The following PALLD variants were observed in gnomAD, a reference collection of about 807,000 sequenced individuals.
The protein encoded by PALLD is palladin, cytoskeletal associated protein.
PALLD carries 61 observed loss-of-function variants against 123.5 expected under a neutral mutation model. That is an observed-to-expected ratio of 0.49 (90% CI 0.40 to 0.61). The LOEUF (loss-of-function observed/expected upper bound fraction) is 0.61, where lower values mean the gene tolerates loss of function less well. Among genes scored for constraint, PALLD ranks in the 20% least tolerant of loss-of-function variants. The pLI is 0.00. For missense variants in PALLD, 1,273 were observed against 1,377.0 expected (o/e 0.92, Z 1.20); for synonymous variants, 465 against 496.4 (o/e 0.94, Z 0.84).
rs1189246382 is a variant in PALLD, at chr4:168,794,514, A to ACACG, written c.1964+82594_1964+82595insGCAC. Among the ~76,000 whole-genome samples the ACACG allele has an allele frequency of 4.9e-4, 73 of 147,968 alleles. 4 individuals are homozygous for ACACG. The South Asian group carries it at 0.014, about 28-fold the overall frequency. On this transcript the variant is annotated intron_variant, in intron 10 of 21. Transcript: ENST00000505667. ...TGCACGCACACACACACGCACACAC[A>ACACG]CACACACACACACACACACACACAC...
chr4:168,635,761 T>C (rs1776284276), intron 2 of PALLD, among the ~76,000 whole-genome samples: 1 of 152,212 alleles, frequency 6.6e-6, no homozygotes. Flanking sequence ...TGGTTGCTGG[T>C]CTGTGATCCA....
chr4:168,548,152 A>T (rs1766357938), intron 2 of PALLD, among the ~76,000 whole-genome samples: 1 of 152,124 alleles, frequency 6.6e-6, no homozygotes, highest in South Asian at 2.1e-4. Flanking sequence ...CAACATAAAA[A>T]AATTAATGAG....
chr4:168,637,725 CTT>C (rs1776486563), intron 2 of PALLD, among the ~76,000 whole-genome samples: 1 of 152,086 alleles, frequency 6.6e-6, no homozygotes, highest in African/African-American at 2.4e-5. Context: ...AGGTGGATCA[CTT>C]GAGGTCAGGA....
intron 5 of PALLD, among the ~76,000 whole-genome samples, chr4:168,683,579 G>A (rs917559597): frequency 1.3e-5 from 2 of 151,980 alleles, no homozygotes; most frequent in African/African-American, 4.8e-5. Flanking sequence ...TTATTTTATT[G>A]TAAGACTGCT....
chr4:168,662,809 T>C (rs954571829), intron 2 of PALLD, among the ~76,000 whole-genome samples: 3 of 152,246 alleles, frequency 2.0e-5, no homozygotes, highest in Admixed American at 2.0e-4. Context: ...CAAACATGAC[T>C]GTAGCACACC....
At chr4:168,780,812 C>A (rs548159344) in intron 10 of PALLD, among the ~76,000 whole-genome samples, 1 of 151,408 alleles carries the variant, frequency 6.6e-6, no homozygotes, top group Non-Finnish European at 1.5e-5. Flanking sequence ...CTCAGCCTCC[C>A]GAGTAGCTGG....
At chr4:168,816,124 T>C (rs980246031) in intron 10 of PALLD, among the ~76,000 whole-genome samples, 9 of 152,150 alleles carry the variant, frequency 5.9e-5, no homozygotes, top group African/African-American at 2.2e-4. Context: ...GTTGTTTATA[T>C]GTAAGGAAAC....
chr4:168,877,847 T>A, intron 10 of PALLD: 1 of 1,349,090 alleles, frequency 7.4e-7, no homozygotes, highest in South Asian at 1.8e-5. Flanking sequence ...GCCGCCCGCC[T>A]TCCCCGAGCT....
At chr4:168,853,549 G>A (rs1173332058) in intron 10 of PALLD, among the ~76,000 whole-genome samples, 1 of 152,162 alleles carries the variant, frequency 6.6e-6, no homozygotes, top group Non-Finnish European at 1.5e-5. Flanking sequence ...GGAGGCCTGA[G>A]GAAAGAGCCT....
chr4:168,703,999 T>G (rs945823277), intron 8 of PALLD, among the ~76,000 whole-genome samples: 5 of 152,160 alleles, frequency 3.3e-5, no homozygotes, highest in African/African-American at 1.2e-4. Flanking sequence ...CAGGCTACAG[T>G]AACCAAAACA....
At chr4:168,777,164 G>A (rs1482098660) in intron 10 of PALLD, among the ~76,000 whole-genome samples, 1 of 152,044 alleles carries the variant, frequency 6.6e-6, no homozygotes, top group Non-Finnish European at 1.5e-5. Context: ...AGTTTATTAG[G>A]AAAACTAGGA....
rs543767794 is a variant in PALLD, at chr4:168,579,489, A to C, written c.908+67077A>C. ...TTTAGCTATGCAATACAGCGCACAA[A>C]TATGTATAAATCAACATATATCTAG... On this transcript the variant is annotated intron_variant, in intron 2 of 21. Transcript: ENST00000505667. Among the ~76,000 whole-genome samples, 9 of 152,306 alleles carry C rather than the reference A, an allele frequency of 5.9e-5. No homozygotes were observed. In the South Asian group the frequency reaches 1.9e-3, roughly 32 times the overall value.
At chr4:168,600,702 A>G (rs969375195) in intron 2 of PALLD, among the ~76,000 whole-genome samples, 7 of 152,186 alleles carry the variant, frequency 4.6e-5, no homozygotes, top group African/African-American at 1.7e-4. Context: ...CCATTTTAGT[A>G]TATTTTGTTC....
intron 10 of PALLD, among the ~76,000 whole-genome samples, chr4:168,747,128 G>A (rs1398920578): frequency 6.6e-6 from 1 of 152,188 alleles, no homozygotes; most frequent in Non-Finnish European, 1.5e-5. Context: ...TACACAATAG[G>A]TACCTAAAAG....
intron 10 of PALLD, among the ~76,000 whole-genome samples, chr4:168,785,852 T>TAG (rs1736661558): frequency 1.6e-5 from 2 of 121,616 alleles, no homozygotes; most frequent in East Asian, 4.1e-4. Context: ...TAGAGATATA[T>TAG]ATATATATAT....
intron 2 of PALLD, among the ~76,000 whole-genome samples, chr4:168,665,629 CTG>C (rs1480189878): frequency 1.3e-5 from 2 of 152,200 alleles, no homozygotes; most frequent in African/African-American, 2.4e-5. Flanking sequence ...AGCCAAGACT[CTG>C]TGAGGCGGGT....
intron 10 of PALLD, among the ~76,000 whole-genome samples, chr4:168,845,848 G>C (rs1179793222): frequency 2.0e-5 from 3 of 152,234 alleles, no homozygotes; most frequent in African/African-American, 7.2e-5. Flanking sequence ...CTTCCCAAGG[G>C]CTTGAAAGTC....
chr4:168,711,303 A>C (rs1160564502), intron 9 of PALLD, among the ~76,000 whole-genome samples: 1 of 152,204 alleles, frequency 6.6e-6, no homozygotes. Context: ...GCCAAGTTCT[A>C]TCTTTAGCTC....
At chr4:168,817,761 C>T (rs902996836) in intron 10 of PALLD, among the ~76,000 whole-genome samples, 1 of 152,104 alleles carries the variant, frequency 6.6e-6, no homozygotes, top group Non-Finnish European at 1.5e-5. Flanking sequence ...TTTCTATTAA[C>T]CAAGAAATCA....
Sources: allele counts gnomAD v4.1 joint callset (sites outside exome capture counted in the v4.1 genomes callset), GRCh38; gene constraint gnomAD v4.1.1; transcripts MANE v1.5; gene names NCBI Gene and HGNC (gene_info 2026-07-23, HGNC 2026-07-21).